Variants in ENKUR observed in about 807,000 individuals in gnomAD.
ENKUR encodes enkurin.
Under a neutral mutation model 27.6 loss-of-function variants are expected in ENKUR, and 19 were observed. The observed-to-expected ratio is 0.69, with a 90% confidence interval of 0.48 to 1.01. The LOEUF (loss-of-function observed/expected upper bound fraction) is 1.01. Ranked by LOEUF, ENKUR falls within the 50% of genes least tolerant of loss-of-function variation. ENKUR has a pLI of 0.00. For synonymous variants in ENKUR, 117 were observed against 96.9 expected, an observed-to-expected ratio of 1.21 and a Z score of -1.22; for missense variants, 312 against 310.5, an observed-to-expected ratio of 1.00 and a Z score of -0.04.
intron 2 of ENKUR, among the ~76,000 whole-genome samples, chr10:25,049,352 G>A (rs1175386919): frequency 6.6e-6 from 1 of 151,992 alleles, no homozygotes; most frequent in African/African-American, 2.4e-5. Flanking sequence ...GGTAATAAGT[G>A]AACAGAATTT....
chr10:25,020,374 A>T (rs1850695772), upstream of ENKUR, among the ~76,000 whole-genome samples: 2 of 152,282 alleles, frequency 1.3e-5, no homozygotes, highest in South Asian at 4.1e-4. Context: ...TAAGATTGCA[A>T]AACATAAGGT....
chr10:25,024,329 G>C (rs769222977), intron 2 of ENKUR: 6 of 1,614,146 alleles, frequency 3.7e-6, no homozygotes, highest in Non-Finnish European at 5.1e-6. Context: ...ATCCCACCAA[G>C]TTGCAATTAT....
At chr10:25,017,933 C>G (rs766955130), upstream of ENKUR, among the ~76,000 whole-genome samples, 1 of 152,148 alleles carries the variant, frequency 6.6e-6, no homozygotes, top group Non-Finnish European at 1.5e-5. Flanking sequence ...TAGTCACTGG[C>G]TAAAGCTTAT....
chr10:24,999,966 T>C (rs1347878968), intron 1 of ENKUR, among the ~76,000 whole-genome samples: 1 of 152,192 alleles, frequency 6.6e-6, no homozygotes, highest in Non-Finnish European at 1.5e-5. Context: ...TTCAATGATA[T>C]CTGTGCTTAT....
intron 2 of ENKUR, among the ~76,000 whole-genome samples, chr10:25,046,258 C>T (rs951458765): frequency 6.6e-6 from 1 of 152,088 alleles, no homozygotes; most frequent in Non-Finnish European, 1.5e-5. Flanking sequence ...CCAAAATGAG[C>T]TATTAAATGC....
chr10:25,033,605 G>A lies in ENKUR; in HGVS notation c.37+27507C>T, dbSNP rs538765766. ...ACTTGTAAATATTTTGCAGGAAACA[G>A]TTCAAAAATATTGGAATAGGTGAAT... On this transcript the variant is annotated intron_variant, in intron 2 of 5. Transcript: ENST00000615958. 1.1e-4 allele frequency among the ~76,000 whole-genome samples: 16 copies of A among 152,148 alleles called. 1 individual carries two copies. In the South Asian group the frequency reaches 3.3e-3, roughly 32 times the overall value.
chr10:25,024,658 C>T, intron 2 of ENKUR: 1 of 1,614,246 alleles, frequency 6.2e-7, no homozygotes, highest in Non-Finnish European at 8.5e-7. Flanking sequence ...ACTACTTCCG[C>T]AGGTAGTTTA....
chr10:25,024,393 T>C lies in ENKUR; in HGVS notation c.38-28524A>G, dbSNP rs1384873689. On this transcript the variant is annotated intron_variant, in intron 2 of 5. Coordinates refer to the ENKUR transcript ENST00000615958. Reference sequence around the variant, plus strand: ...CAGGGAGTGCAGTCTTAAATGGTTTTAGTCGTCTAAATAAGAATGATAAGC... The same window carrying C: ...CAGGGAGTGCAGTCTTAAATGGTTTCAGTCGTCTAAATAAGAATGATAAGC... 1.9e-6 allele frequency: 3 copies of C among 1,613,956 alleles called. No individual in the cohort carries two copies. The South Asian group carries it at 3.3e-5, about 18-fold the overall frequency.
intron 2 of ENKUR, chr10:25,024,488 G>T: frequency 6.2e-7 from 1 of 1,614,150 alleles, no homozygotes; most frequent in Non-Finnish European, 8.5e-7. Flanking sequence ...CAAATAATTG[G>T]CAGTCAGAGA....
At chr10:25,013,816 C>A (rs1231138626) in intron 1 of ENKUR, among the ~76,000 whole-genome samples, 1 of 152,080 alleles carries the variant, frequency 6.6e-6, no homozygotes, top group Non-Finnish European at 1.5e-5. Context: ...GTAGCAGGGA[C>A]CTGTAATCCC....
chr10:25,027,381 A>AAC lies in ENKUR; in HGVS notation c.38-31513_38-31512insGT, dbSNP rs1554773136. Among the ~76,000 whole-genome samples the AAC allele has an allele frequency of 4.6e-4, 65 of 140,622 alleles. 3 individuals are homozygous for AAC. The highest frequency in any genetic ancestry group is 1.7e-3 in the African/African-American group (62 of 36,894). 92.3% of individuals were successfully genotyped at this position (140,622 alleles called of 152,430 possible). A position where few individuals can be genotyped will look rare whatever the true frequency, so the allele number is the denominator to read the frequency against. ...TCAAAAAAAAAAAAAAAAAAAAAAA[A>AAC]AAAAAACTAGCCAGGCATGGTGGCG... On this transcript the variant is annotated intron_variant, in intron 2 of 5. Transcript: ENST00000615958.
At chr10:25,025,088 G>C in intron 2 of ENKUR, 4 of 1,614,206 alleles carry the variant, frequency 2.5e-6, no homozygotes, top group African/African-American at 2.7e-5. Context: ...TGCTCTGAGG[G>C]AGAGTGCCTA....
chr10:25,010,323 C>A (rs541055401), intron 1 of ENKUR, among the ~76,000 whole-genome samples: 7 of 152,092 alleles, frequency 4.6e-5, no homozygotes, highest in Non-Finnish European at 1.0e-4. Context: ...AGAGATGATT[C>A]CGGGCATCTG....
intron 2 of ENKUR, chr10:25,021,793 G>T (rs968551161): frequency 6.6e-6 from 1 of 152,138 alleles, no homozygotes; most frequent in East Asian, 1.9e-4. Context: ...AAACTCTTCA[G>T]ATTGGTTCCG....
At chr10:25,059,830 A>C (rs548661528) in intron 2 of ENKUR, among the ~76,000 whole-genome samples, 1 of 152,054 alleles carries the variant, frequency 6.6e-6, no homozygotes, top group Non-Finnish European at 1.5e-5. Flanking sequence ...CTCTTAACAA[A>C]AAAAAAAAGA....
upstream of ENKUR, among the ~76,000 whole-genome samples, chr10:25,018,019 C>G (rs1283765342): frequency 1.3e-5 from 2 of 152,158 alleles, no homozygotes; most frequent in Admixed American, 1.3e-4. Flanking sequence ...AAGGGCAAAA[C>G]ATGATTTCTG....
In ENKUR at chr10:25,040,397, A is replaced by C. The variant is rs1399244786; in HGVS notation, c.37+20715T>G. On this transcript the variant is annotated intron_variant, in intron 2 of 5. Coordinates refer to the ENKUR transcript ENST00000615958. ...TTTTTTTTTTTTTTTTTTGAGACCG[A>C]GTCTCGCTCTCTCCCAGGCTGGAGT... Among the ~76,000 whole-genome samples, 12 of 139,102 alleles carry C rather than the reference A, an allele frequency of 8.6e-5. No homozygotes were observed. In the East Asian group the frequency reaches 2.2e-3, roughly 25 times the overall value. 91.3% of individuals were successfully genotyped at this position (139,102 alleles called of 152,430 possible).
chr10:25,046,813 C>G (rs759860391), intron 2 of ENKUR, among the ~76,000 whole-genome samples: 2 of 152,102 alleles, frequency 1.3e-5, no homozygotes, highest in Non-Finnish European at 2.9e-5. Flanking sequence ...TGTATCCCAG[C>G]CAAAGAGTTT....
chr10:24,994,185 T>C (rs1382636546), intron 3 of ENKUR, among the ~76,000 whole-genome samples: 5 of 152,148 alleles, frequency 3.3e-5, no homozygotes, highest in African/African-American at 1.2e-4. Context: ...TAGGTCCCTG[T>C]ACATCACTAT....
Sources: gnomAD v4.1 joint callset for allele counts (sites outside exome capture counted in the v4.1 genomes callset) on GRCh38, gnomAD v4.1.1 for gene constraint, MANE v1.5 for transcripts, NCBI Gene and HGNC (gene_info 2026-07-23, HGNC 2026-07-21) for gene names.